The following UST variants were observed in gnomAD, a reference collection of about 807,000 sequenced individuals.
UST encodes the protein chondroitin sulfate 2-O-sulfotransferase.
In UST, 21 loss-of-function variants were observed where a neutral mutation model predicts 45.6. The observed-to-expected ratio is 0.46, with a 90% CI of 0.33 to 0.66. The LOEUF (loss-of-function observed/expected upper bound fraction) is 0.66, where lower values mean the gene tolerates loss of function less well. Among genes scored for constraint, UST ranks in the 30% least tolerant of loss-of-function variants. The probability of loss-of-function intolerance (pLI) is 0.02; values close to 1 mark genes in which losing one functional copy is unlikely to be tolerated. For missense variants in UST, 463 were observed against 512.4 expected, an observed-to-expected ratio of 0.90 and a Z score of 0.93; for synonymous variants, 215 against 200.6, an observed-to-expected ratio of 1.07 and a Z score of -0.61.
chr6:148,893,874 C>G (rs1779068660), intron 2 of UST, among the ~76,000 whole-genome samples: 1 of 152,178 alleles, frequency 6.6e-6, no homozygotes, highest in African/African-American at 2.4e-5. Context: ...GGGATGCGGA[C>G]AGGCATGGTG....
intron 2 of UST, among the ~76,000 whole-genome samples, chr6:148,888,037 A>G (rs910785605): frequency 2.0e-5 from 3 of 152,198 alleles, no homozygotes; most frequent in South Asian, 4.1e-4. Flanking sequence ...ATTGCTATAA[A>G]GAAATACCCG....
In UST at chr6:149,049,929, T is replaced by TCACACACA. The variant is rs1219672960; in HGVS notation, c.938-23903_938-23902insACACACAC. ...CCTTGTCTCTCTCTCTCTCTCTCTCTCTCACACACACACACACACACACAC... is the reference window on the plus strand; with the variant it reads ...CCTTGTCTCTCTCTCTCTCTCTCTCTCACACACACTCACACACACACACACACACACAC... On this transcript the variant is annotated intron_variant, in intron 7 of 7. Coordinates refer to ENST00000367463, the MANE Select transcript of UST (RefSeq NM_005715.3). 8.3e-4 allele frequency among the ~76,000 whole-genome samples: 108 copies of TCACACACA among 129,816 alleles called. 2 individuals are homozygous for TCACACACA. Among genetic ancestry groups the TCACACACA allele is most frequent in the African/African-American group, 2.1e-3 (71 of 34,364 alleles). The allele number at this position is 129,816 out of a possible 152,430, so 85.2% of individuals were successfully genotyped here.
chr6:148,813,488 T>C (rs1777298313), intron 1 of UST, among the ~76,000 whole-genome samples: 1 of 152,096 alleles, frequency 6.6e-6, no homozygotes, highest in African/African-American at 2.4e-5. Context: ...TTCAAGTGAT[T>C]CTCCTGCGTC....
At chr6:148,908,283 AG>A (rs1779406096) in intron 2 of UST, among the ~76,000 whole-genome samples, 1 of 152,146 alleles carries the variant, frequency 6.6e-6, no homozygotes, top group Non-Finnish European at 1.5e-5. Context: ...AATTATTTTG[AG>A]TAGGTATATA....
intron 1 of UST, among the ~76,000 whole-genome samples, chr6:148,885,446 A>T (rs1363374228): frequency 6.6e-6 from 1 of 152,192 alleles, no homozygotes; most frequent in Non-Finnish European, 1.5e-5. Flanking sequence ...CATCCTATTC[A>T]TGCACGCTCT....
rs1235089843 is a variant in UST, at chr6:148,748,048, AG to A, written c.247+374del. On this transcript the variant is annotated intron_variant, in intron 1 of 7. Coordinates refer to ENST00000367463, the MANE Select transcript of UST (RefSeq NM_005715.3). This position sits in a 1 kb window ranked among gnomAD's most constrained non-coding sequence, Gnocchi z 5.3. ...GGCCTGGCGGCGCGGGGAGTGGCGA[AG>A]GGAAGGGAAGGTCCTCTTCGTTGCA... Among the ~76,000 whole-genome samples, 1 of 151,886 alleles carries A rather than the reference AG, an allele frequency of 6.6e-6. No individual in the cohort carries two copies. Among genetic ancestry groups the A allele is most frequent in the African/African-American group, 2.4e-5 (1 of 41,330 alleles).
At chr6:149,029,902 GT>G (rs374308215) in intron 7 of UST, among the ~76,000 whole-genome samples, 1 of 148,596 alleles carries the variant, frequency 6.7e-6, no homozygotes, top group Non-Finnish European at 1.5e-5. Flanking sequence ...GTGTGTGTGT[GT>G]GTGTGTGGTG....
intron 5 of UST, among the ~76,000 whole-genome samples, chr6:148,972,545 G>A (rs1033465390): frequency 3.3e-5 from 5 of 152,224 alleles, no homozygotes; most frequent in African/African-American, 4.8e-5. Context: ...GGCTGCCAAG[G>A]CAGGTTTGCC....
At chr6:148,973,173 G>A (rs573371811) in intron 5 of UST, among the ~76,000 whole-genome samples, 128 of 152,128 alleles carry the variant, frequency 8.4e-4, no homozygotes, top group African/African-American at 2.9e-3. Flanking sequence ...ATTATGTGTT[G>A]TATTTATGAA....
chr6:148,829,672 T>A (rs1451990844), intron 1 of UST, among the ~76,000 whole-genome samples: 1 of 152,174 alleles, frequency 6.6e-6, no homozygotes, highest in Admixed American at 6.5e-5. Flanking sequence ...TCCTTATTTT[T>A]ACCCTCGGTT....
intron 2 of UST, among the ~76,000 whole-genome samples, chr6:148,923,702 C>G (rs536042848): frequency 1.3e-5 from 2 of 152,236 alleles, no homozygotes; most frequent in South Asian, 2.1e-4. Flanking sequence ...GTCAGGAGAT[C>G]GAGACCATCA....
At chr6:148,751,522 C>T (rs934688433) in intron 1 of UST, among the ~76,000 whole-genome samples, 1 of 152,140 alleles carries the variant, frequency 6.6e-6, no homozygotes, top group African/African-American at 2.4e-5. Flanking sequence ...TGGGGAAAGG[C>T]AGAGTATGTT....
intron 2 of UST, among the ~76,000 whole-genome samples, chr6:148,925,482 ATAGTAG>A (rs1779796111): frequency 1.3e-5 from 2 of 152,238 alleles, no homozygotes; most frequent in Admixed American, 6.5e-5. Context: ...TTTAAAGTTT[ATAGTAG>A]TAGGTTTTTT....
At chr6:148,804,444 G>A (rs1314354328) in intron 1 of UST, among the ~76,000 whole-genome samples, 1 of 152,158 alleles carries the variant, frequency 6.6e-6, no homozygotes, top group Admixed American at 6.5e-5. Flanking sequence ...CACCCTTGGT[G>A]ACTGCAGTGC....
rs200775787 is a variant in UST at position 149,007,749 on chromosome 6, GT to G, written c.682-11381del. On this transcript the variant is annotated intron_variant, in intron 5 of 7. Coordinates refer to ENST00000367463, the MANE Select transcript of UST (RefSeq NM_005715.3). ...TCCAGGCAAACATTTAAGACAGGGG[GT>G]TTTTTTTTGGCTGTAAGAAAGAGAT... 9.0e-3 allele frequency among the ~76,000 whole-genome samples: 1,353 copies of G among 150,680 alleles called. 18 individuals are homozygous for G. The highest frequency in any genetic ancestry group is 0.031 in the African/African-American group (1,285 of 41,106).
chr6:149,024,753 C>T (rs926010377), intron 7 of UST, among the ~76,000 whole-genome samples: 8 of 152,116 alleles, frequency 5.3e-5, no homozygotes, highest in Non-Finnish European at 1.2e-4. Flanking sequence ...ATTACTCTTT[C>T]CCTTTATTGA....
chr6:148,777,548 A>AT (rs1776559041), intron 1 of UST, among the ~76,000 whole-genome samples: 1 of 151,980 alleles, frequency 6.6e-6, no homozygotes, highest in Admixed American at 6.6e-5. Flanking sequence ...TTCCATGTTA[A>AT]TTTTTTTGTT....
intron 2 of UST, among the ~76,000 whole-genome samples, chr6:148,927,915 TCAAA>T (rs1244521243): frequency 2.0e-5 from 3 of 152,246 alleles, no homozygotes; most frequent in Non-Finnish European, 4.4e-5. Context: ...GTCTGTATCC[TCAAA>T]CAATCTCCCT....
intron 1 of UST, among the ~76,000 whole-genome samples, chr6:148,853,275 G>C (rs1316820043): frequency 1.3e-5 from 2 of 152,150 alleles, no homozygotes; most frequent in Non-Finnish European, 2.9e-5. Flanking sequence ...CCCTGCAAAG[G>C]ACATGATCTT....
Sources: allele counts gnomAD v4.1 joint callset (sites outside exome capture counted in the v4.1 genomes callset), GRCh38; gene constraint gnomAD v4.1.1; non-coding constraint Gnocchi (gnomAD v3.1); transcripts MANE v1.5; gene names NCBI Gene and HGNC (gene_info 2026-07-23, HGNC 2026-07-21).